The following JAZF1 variants were observed in gnomAD, a reference collection of about 807,000 sequenced individuals.
JAZF1 encodes juxtaposed with another zinc finger protein 1.
In JAZF1, 8 loss-of-function variants were observed where a neutral mutation model predicts 26.4. The ratio of observed to expected loss-of-function variants is 0.30; its 90% CI spans 0.18 to 0.55. The LOEUF (loss-of-function observed/expected upper bound fraction) is 0.55. Ranked by LOEUF, JAZF1 falls within the 20% of genes least tolerant of loss-of-function variation. The pLI is 0.94. For synonymous variants in JAZF1, 126 were observed against 122.3 expected, an observed-to-expected ratio of 1.03 and a Z score of -0.20; for missense variants, 199 against 322.0, an observed-to-expected ratio of 0.62 and a Z score of 2.92.
At chr7:27,938,975 A>T (rs938366401) in intron 2 of JAZF1, among the ~76,000 whole-genome samples, 1 of 152,076 alleles carries the variant, frequency 6.6e-6, no homozygotes, top group Non-Finnish European at 1.5e-5. Context: ...GAAAATACTG[A>T]TTTCTGCCCC....
At chr7:27,901,354 T>C (rs1784157724) in intron 2 of JAZF1, among the ~76,000 whole-genome samples, 1 of 152,206 alleles carries the variant, frequency 6.6e-6, no homozygotes, top group African/African-American at 2.4e-5. Context: ...ACAATGTTCA[T>C]TCAGTCTGAC....
chr7:28,161,119 T>C (rs1442942284), intron 1 of JAZF1, among the ~76,000 whole-genome samples: 2 of 152,082 alleles, frequency 1.3e-5, no homozygotes, highest in Non-Finnish European at 2.9e-5. Context: ...ATGCACCCCA[T>C]AGATGAATTA....
At chr7:28,103,130 G>A (rs1222049389) in intron 1 of JAZF1, among the ~76,000 whole-genome samples, 4 of 152,104 alleles carry the variant, frequency 2.6e-5, no homozygotes, top group Non-Finnish European at 5.9e-5. Context: ...ACTCCCTCCT[G>A]GCTTTTCCTT....
chr7:27,987,267 G>A (rs541817916), intron 2 of JAZF1, among the ~76,000 whole-genome samples: 36 of 149,852 alleles, frequency 2.4e-4, no homozygotes, highest in African/African-American at 7.9e-4. Context: ...CTGCCCCGAC[G>A]CCCCGTCTGG....
At chr7:28,141,787 A>G (rs1782962515) in intron 1 of JAZF1, among the ~76,000 whole-genome samples, 1 of 152,216 alleles carries the variant, frequency 6.6e-6, no homozygotes, top group Admixed American at 6.5e-5. Flanking sequence ...AGATGACAAT[A>G]AGAAATAATT....
At chr7:28,082,226 C>T (rs1784148747) in intron 1 of JAZF1, among the ~76,000 whole-genome samples, 1 of 152,116 alleles carries the variant, frequency 6.6e-6, no homozygotes, top group African/African-American at 2.4e-5. Flanking sequence ...AAAGCATCAC[C>T]TCCTTCAAGA....
chr7:27,931,761 G>GGGAGAACTGCTTGAACCT (rs1784691905), intron 2 of JAZF1, among the ~76,000 whole-genome samples: 1 of 151,922 alleles, frequency 6.6e-6, no homozygotes, highest in African/African-American at 2.4e-5. Flanking sequence ...TGCTTGAACC[G>GGGAGAACTGCTTGAACCT]GGGAGAATTG....
chr7:27,859,694 G>C (rs1257413064), intron 3 of JAZF1, among the ~76,000 whole-genome samples: 1 of 147,984 alleles, frequency 6.8e-6, no homozygotes, highest in East Asian at 2.0e-4. Flanking sequence ...ACAGGGAGGG[G>C]AACATCACAC....
intron 1 of JAZF1, among the ~76,000 whole-genome samples, chr7:28,135,626 C>T (rs1782870961): frequency 1.3e-5 from 2 of 152,160 alleles, no homozygotes; most frequent in East Asian, 1.9e-4. Context: ...TGAAAGAACA[C>T]GGAGAAGAAG....
intron 4 of JAZF1, among the ~76,000 whole-genome samples, chr7:27,839,926 C>T (rs901265806): frequency 1.2e-4 from 19 of 152,152 alleles, no homozygotes; most frequent in African/African-American, 3.6e-4. Context: ...ATACTCCTAG[C>T]TCACAGTTGG....
intron 3 of JAZF1, chr7:27,841,269 A>C (rs3944121): frequency 0.7 from 116,740 of 167,470 alleles, 41,072 homozygotes; most frequent in Middle Eastern, 0.79. Flanking sequence ...TGAGCAGAAC[A>C]CTGTCCCCTT....
intron 1 of JAZF1, among the ~76,000 whole-genome samples, chr7:28,054,410 G>T (rs1243291406): frequency 6.6e-6 from 1 of 152,112 alleles, no homozygotes; most frequent in Non-Finnish European, 1.5e-5. Context: ...GCACTGGAAC[G>T]AAAATGGGTC....
chr7:27,949,270 GC>G (rs1426095581), intron 2 of JAZF1, among the ~76,000 whole-genome samples: 2 of 152,180 alleles, frequency 1.3e-5, no homozygotes, highest in African/African-American at 4.8e-5. Context: ...AACAATTCTG[GC>G]TGATCATGCT....
chr7:27,962,392 C>T (rs1785200263), intron 2 of JAZF1, among the ~76,000 whole-genome samples: 2 of 152,154 alleles, frequency 1.3e-5, no homozygotes, highest in South Asian at 4.1e-4. Context: ...AGTTCATATG[C>T]ATCACTTATG....
chr7:28,119,690 AC>A (rs1447037539), intron 1 of JAZF1, among the ~76,000 whole-genome samples: 11 of 152,074 alleles, frequency 7.2e-5, no homozygotes, highest in Non-Finnish European at 1.3e-4. Context: ...GCTTCCCCCT[AC>A]TACTTACATG....
intron 1 of JAZF1, among the ~76,000 whole-genome samples, chr7:28,087,340 C>T (rs1784227059): frequency 1.3e-5 from 2 of 151,758 alleles, no homozygotes; most frequent in Admixed American, 1.3e-4. Flanking sequence ...AAATCATATT[C>T]CATTTAATTT....
intron 2 of JAZF1, among the ~76,000 whole-genome samples, chr7:27,907,813 ACT>A (rs1784288772): frequency 6.6e-6 from 1 of 151,976 alleles, no homozygotes; most frequent in Non-Finnish European, 1.5e-5. Flanking sequence ...ACTTAAATGC[ACT>A]CTGCCCAAGA....
intron 1 of JAZF1, among the ~76,000 whole-genome samples, chr7:28,103,916 C>T (rs1341523751): frequency 6.6e-6 from 1 of 152,236 alleles, no homozygotes; most frequent in Non-Finnish European, 1.5e-5. Flanking sequence ...TCAAGGGCCA[C>T]TGGCTCCCCA....
chr7:27,954,752 A>C (rs1785059501), intron 2 of JAZF1, among the ~76,000 whole-genome samples: 1 of 136,482 alleles, frequency 7.3e-6, no homozygotes, highest in African/African-American at 2.5e-5. Context: ...CCAGACTGCG[A>C]ACAGGACTTA....
Sources: allele counts gnomAD v4.1 joint callset (sites outside exome capture counted in the v4.1 genomes callset), GRCh38; gene constraint gnomAD v4.1.1; transcripts MANE v1.5; gene names NCBI Gene and HGNC (gene_info 2026-07-23, HGNC 2026-07-21).